The following SPAM1 variants were observed in gnomAD, a reference collection of about 807,000 sequenced individuals.
The protein encoded by SPAM1 is hyaluronidase PH-20.
In SPAM1, 22 loss-of-function variants were observed where a neutral mutation model predicts 29.6. The observed-to-expected ratio is 0.74, with a 90% confidence interval of 0.53 to 1.06. The LOEUF (loss-of-function observed/expected upper bound fraction) is 1.06. Ranked by LOEUF, SPAM1 falls within the 50% of genes least tolerant of loss-of-function variation. The probability of loss-of-function intolerance (pLI) is 0.00; values close to 1 mark genes in which losing one functional copy is unlikely to be tolerated. For synonymous variants in SPAM1, 194 were observed against 204.6 expected, an observed-to-expected ratio of 0.95 and a Z score of 0.44; for missense variants, 534 against 604.0, an observed-to-expected ratio of 0.88 and a Z score of 1.21.
chr7:123,929,653 A>T (rs960302409), intron 1 of SPAM1, among the ~76,000 whole-genome samples: 3 of 152,120 alleles, frequency 2.0e-5, no homozygotes, highest in Non-Finnish European at 2.9e-5. Context: ...CACAAAAGGA[A>T]TTTCATGGGA....
chr7:123,961,285 T>C (rs1792354321), downstream of SPAM1, among the ~76,000 whole-genome samples: 1 of 151,904 alleles, frequency 6.6e-6, no homozygotes, highest in Non-Finnish European at 1.5e-5. Flanking sequence ...TTAGCTGTAT[T>C]GTACCCATTA....
chr7:123,956,631 T>C (rs1792253437), intron 4 of SPAM1, among the ~76,000 whole-genome samples: 1 of 152,000 alleles, frequency 6.6e-6, no homozygotes, highest in Admixed American at 6.6e-5. Context: ...AATTAAATGA[T>C]AAAAACTTAC....
chr7:123,961,925 T>C (rs1453793227), downstream of SPAM1, among the ~76,000 whole-genome samples: 1 of 151,904 alleles, frequency 6.6e-6, no homozygotes, highest in Non-Finnish European at 1.5e-5. Context: ...GAGAGACTTA[T>C]TCACTACCAC....
At chr7:123,931,640 C>T (rs1328097275) in intron 1 of SPAM1, among the ~76,000 whole-genome samples, 1 of 152,150 alleles carries the variant, frequency 6.6e-6, no homozygotes, top group East Asian at 1.9e-4. Flanking sequence ...TCTGAAGGCT[C>T]CTGTATATAC....
chr7:123,955,394 A>G (rs1378566893), intron 4 of SPAM1, among the ~76,000 whole-genome samples: 1 of 152,038 alleles, frequency 6.6e-6, no homozygotes, highest in East Asian at 1.9e-4. Context: ...GTCAGAAGAT[A>G]GGTCCTTGTT....
At chr7:123,947,611 CACACACACAG>C (rs1450157503) in intron 1 of SPAM1, 8 of 150,990 alleles carry the variant, frequency 5.3e-5, no homozygotes, top group African/African-American at 2.0e-4. Flanking sequence ...CACACACACA[CACACACACAG>C]ACAGGTTCAC....
chr7:123,967,249 C>T (rs554367711), intron 5 of SPAM1, among the ~76,000 whole-genome samples: 1 of 152,094 alleles, frequency 6.6e-6, no homozygotes, highest in South Asian at 2.1e-4. Flanking sequence ...AGTCACAGTA[C>T]GTATCCTGAA....
intron 4 of SPAM1, 104 bp downstream of exon 4, chr7:123,955,190 TG>T: frequency 1.3e-6 from 1 of 785,128 alleles, no homozygotes; most frequent in Admixed American, 1.9e-5. Context: ...ATGCTTGGCA[TG>T]TAGTAATAGG....
At chr7:123,970,329 TTCTG>T in intron 6 of SPAM1, 1 of 1,486,224 alleles carries the variant, frequency 6.7e-7, no homozygotes, top group Non-Finnish European at 9.1e-7. Flanking sequence ...TTCCATATGT[TTCTG>T]TCTGTGACCT....
chr7:123,953,632 C>A lies in SPAM1; in HGVS notation c.62C>A (p.Ser21Tyr), dbSNP rs1220092057. The change falls in exon 3 of 5, where the codon TCC becomes TAC. Residue 21 changes from serine (S) to tyrosine (Y), a missense_variant. Ser to Tyr is a moderately radical substitution (Grantham distance 144). Transcript: ENST00000682466. The stretch of plus-strand genomic sequence containing the variant: ...AGCTTTGTTAAATCAAGTGGAGTAT[C>A]CCAGATAGTTTTCACCTTCCTTCTG... The part of the protein sequence containing the change: ...FRSFVKSSGV[S>Y]QIVFTFLLIP... 4.3e-6 allele frequency: 7 copies of A among 1,612,382 alleles called. No homozygotes were observed. In the Admixed American group the frequency reaches 1.2e-4, roughly 27 times the overall value.
chr7:123,926,885 GT>G (rs148423940), intron 1 of SPAM1, among the ~76,000 whole-genome samples: 6 of 152,140 alleles, frequency 3.9e-5, no homozygotes, highest in Non-Finnish European at 8.8e-5. Flanking sequence ...GTTGTAAATA[GT>G]TTTTTTATAG....
intron 4 of SPAM1, among the ~76,000 whole-genome samples, chr7:123,956,644 T>C (rs1792253491): frequency 6.6e-6 from 1 of 151,978 alleles, no homozygotes; most frequent in East Asian, 1.9e-4. Context: ...AAACTTACAA[T>C]AAAAAATTAT....
At chr7:123,956,837 A>G (rs974597538) in intron 4 of SPAM1, among the ~76,000 whole-genome samples, 1 of 152,012 alleles carries the variant, frequency 6.6e-6, no homozygotes, top group Non-Finnish European at 1.5e-5. Flanking sequence ...CCAGATCTGC[A>G]TTCAGTAATG....
downstream of SPAM1, among the ~76,000 whole-genome samples, chr7:123,960,952 C>T (rs956587185): frequency 4.0e-5 from 6 of 151,618 alleles, no homozygotes; most frequent in African/African-American, 7.3e-5. Flanking sequence ...AATTATTATA[C>T]ATTTTTAAGG....
downstream of SPAM1, among the ~76,000 whole-genome samples, chr7:123,963,908 A>G (rs1253809021): frequency 6.6e-6 from 1 of 151,972 alleles, no homozygotes; most frequent in Non-Finnish European, 1.5e-5. Flanking sequence ...AGTGCTTGTT[A>G]TAAGAATGGT....
At chr7:123,939,966 G>T (rs1808378162) in intron 1 of SPAM1, among the ~76,000 whole-genome samples, 1 of 152,024 alleles carries the variant, frequency 6.6e-6, no homozygotes, top group Middle Eastern at 3.2e-3. Context: ...CCTGCCGTTG[G>T]CTACAAATTA....
intron 4 of SPAM1, 118 bp from the exon 5 acceptor site, chr7:123,959,366 C>T: frequency 1.5e-6 from 1 of 659,800 alleles, no homozygotes; most frequent in East Asian, 2.7e-5. Flanking sequence ...TTATCTTCTA[C>T]TTCTTGCTAT....
intron 2 of SPAM1, among the ~76,000 whole-genome samples, chr7:123,950,887 A>G (rs115301766): frequency 7.4e-4 from 112 of 152,258 alleles, no homozygotes; most frequent in African/African-American, 2.5e-3. Flanking sequence ...CCAGAAGTGT[A>G]TAAGTGTGTC....
chr7:123,948,392 C>T (rs1037315990), intron 1 of SPAM1, among the ~76,000 whole-genome samples: 9 of 152,082 alleles, frequency 5.9e-5, no homozygotes, highest in Non-Finnish European at 7.4e-5. Context: ...TGGGGCCTAC[C>T]GCTCATGTGG....
Sources: gnomAD v4.1 joint callset for allele counts (sites outside exome capture counted in the v4.1 genomes callset) on GRCh38, gnomAD v4.1.1 for gene constraint, MANE v1.5 for transcripts, NCBI Gene and HGNC (gene_info 2026-07-23, HGNC 2026-07-21) for gene names.